FLT1: variants seen among roughly 807,000 people sequenced by gnomAD.
FLT1 encodes the protein fms related receptor tyrosine kinase 1, also known as vascular endothelial growth factor receptor 1.
A neutral mutation model predicts 156.3 loss-of-function variants in FLT1; 49 were observed. The ratio of observed to expected loss-of-function variants is 0.31; its 90% confidence interval spans 0.25 to 0.40. The LOEUF (loss-of-function observed/expected upper bound fraction) is 0.40. Ranked by LOEUF, FLT1 falls within the 10% of genes least tolerant of loss-of-function variation. The pLI, the probability that FLT1 is intolerant of heterozygous loss-of-function variation, is 1.00. For missense variants in FLT1, 1,322 were observed against 1,637.2 expected (o/e 0.81, Z 3.32); for synonymous variants, 594 against 583.8 (o/e 1.02, Z -0.25).
At chr13:28,364,739 T>C (rs992721660) in intron 14 of FLT1, among the ~76,000 whole-genome samples, 9 of 152,224 alleles carry the variant, frequency 5.9e-5, no homozygotes, top group Non-Finnish European at 1.3e-4. Flanking sequence ...GAATTTTTTA[T>C]GTTGAAGCTC....
In FLT1 at chr13:28,431,120, G is replaced by A. The variant is rs777252191; in HGVS notation, c.988+16C>T. 5 of 1,604,416 alleles carry A rather than the reference G, an allele frequency of 3.1e-6. No homozygotes were observed. The highest frequency in any genetic ancestry group is 4.3e-6 in the Non-Finnish European group (5 of 1,171,396). Reference sequence around the variant, plus strand: ...AGAAAGCATAGCATGAGTTGGCAACGCTGAACTATGCTTACCATATATATG... The same window carrying A: ...AGAAAGCATAGCATGAGTTGGCAACACTGAACTATGCTTACCATATATATG... On this transcript the variant is annotated intron_variant, in intron 7 of 29. Transcript: ENST00000282397.
chr13:28,304,769 G>A (rs74555008), intron 29 of FLT1, among the ~76,000 whole-genome samples: 8,153 of 152,164 alleles, frequency 0.054, 288 homozygotes, highest in African/African-American at 0.099. Context: ...GGCATTTCAT[G>A]TAAAAGGAAT....
At chr13:28,441,893 AG>A (rs1398940281) in intron 3 of FLT1, among the ~76,000 whole-genome samples, 1 of 152,206 alleles carries the variant, frequency 6.6e-6, no homozygotes, top group African/African-American at 2.4e-5. Flanking sequence ...ATTATTTTAT[AG>A]TAATATTTTT....
intron 3 of FLT1, among the ~76,000 whole-genome samples, chr13:28,460,497 C>G (rs548332905): frequency 1.3e-4 from 20 of 152,174 alleles, no homozygotes; most frequent in African/African-American, 4.6e-4. Context: ...GTGGAAACTC[C>G]TGGGCCAAGC....
At chr13:28,345,155 G>A (rs1310323152) in intron 16 of FLT1, among the ~76,000 whole-genome samples, 1 of 151,908 alleles carries the variant, frequency 6.6e-6, no homozygotes, top group African/African-American at 2.4e-5. Flanking sequence ...GGTTTCACAG[G>A]TCCCACACTG....
chr13:28,405,698 C>T (rs2137491676), intron 11 of FLT1, 82 bp downstream of exon 11: 1 of 837,026 alleles, frequency 1.2e-6, no homozygotes, highest in Admixed American at 1.7e-5. Context: ...TAAATTACTT[C>T]TGGTGCCAAT....
chr13:28,488,078 C>G (rs1315714405), intron 1 of FLT1, among the ~76,000 whole-genome samples: 1 of 151,762 alleles, frequency 6.6e-6, no homozygotes, highest in Non-Finnish European at 1.5e-5. Context: ...TCACACACGT[C>G]AAAGTTCATC....
intron 3 of FLT1, among the ~76,000 whole-genome samples, chr13:28,444,609 C>T (rs1349614493): frequency 1.3e-5 from 2 of 152,108 alleles, no homozygotes; most frequent in African/African-American, 4.8e-5. Context: ...CAAGATAGAC[C>T]ATATGCTAGA....
At chr13:28,413,896 G>GT (rs1414013872) in intron 10 of FLT1, among the ~76,000 whole-genome samples, 1 of 152,198 alleles carries the variant, frequency 6.6e-6, no homozygotes, top group Non-Finnish European at 1.5e-5. Context: ...TCCTAGTTAT[G>GT]TAACTGTGGA....
intron 15 of FLT1, among the ~76,000 whole-genome samples, chr13:28,355,775 TG>T (rs1395466554): frequency 6.6e-6 from 1 of 152,218 alleles, no homozygotes; most frequent in East Asian, 1.9e-4. Context: ...GCTGCTGATC[TG>T]GCCTGGAGCA....
Position 28,319,510 on chromosome 13 carries a change from C to T in FLT1, c.3199G>A (p.Ala1067Thr), listed in dbSNP as rs1871351735. The T allele has an allele frequency of 6.2e-7, 1 of 1,613,336 alleles. No homozygotes were observed. The highest frequency in any genetic ancestry group is 1.1e-5 in the South Asian group (1 of 90,984). The change falls in exon 24 of 30, where the codon GCT (alanine) becomes ACT (threonine). Residue 1067 changes from alanine (A) to threonine (T), a missense_variant. Ala to Thr is a moderately conservative substitution (Grantham distance 58, BLOSUM62 0). Around this residue, in one of 3 missense-constraint regions of FLT1, gnomAD observed 329 missense variants for 366.2 expected, o/e 0.90. Coordinates refer to ENST00000282397, the MANE Select transcript of FLT1 (RefSeq NM_002019.4). ...ATTTTGTCAAAGATAGATTCAGGAG[C>T]CATCCATTTCAGAGGAAGTCGAGTC... ...GDTRLPLKWM[A>T]PESIFDKIYS...
Position 28,427,284 on chromosome 13 carries a change from C to T in FLT1, c.1311G>A (p.Ser437=), listed in dbSNP as rs574680680. The change falls in exon 10 of 30, where the codon TCG becomes TCA. Residue 437 remains serine (S), a synonymous_variant. Transcript: ENST00000282397. ...GTGGGTAGAGAGCCGGGTCTGGAAA[C>T]GATGACACGGCCTTTTCGTAAATCT... ...KPQIYEKAVS[S]FPDPALYPLG... 18 of 1,613,968 alleles carry T rather than the reference C, an allele frequency of 1.1e-5. No individual in the cohort carries two copies. The highest frequency in any genetic ancestry group is 6.6e-5 in the South Asian group (6 of 91,084).
chr13:28,397,153 C>T (rs988642502), intron 11 of FLT1, 85 bp from the exon 12 acceptor site: 7 of 787,520 alleles, frequency 8.9e-6, no homozygotes, highest in African/African-American at 1.7e-5. Flanking sequence ...TGAAATGATT[C>T]AGCTACTCCA....
In FLT1 at chr13:28,427,020, T is replaced by A; in HGVS notation, c.1436+139A>T. 1.7e-5 allele frequency: 14 copies of A among 805,462 alleles called. No individual in the cohort carries two copies. The South Asian group carries it at 2.0e-4, about 12-fold the overall frequency. 49.9% of individuals were successfully genotyped at this position (805,462 alleles called of 1,614,324 possible). Reference sequence around the variant, plus strand: ...AAAGAAGAGTAGCTGTTGCCCACCTTTTTCCAAGGCAGGGAGAGCCTTTGC... The same window carrying A: ...AAAGAAGAGTAGCTGTTGCCCACCTATTTCCAAGGCAGGGAGAGCCTTTGC... On this transcript the variant is annotated intron_variant, in intron 10 of 29. Transcript: ENST00000282397.
At chr13:28,350,203 T>C (rs554124687) in intron 15 of FLT1, among the ~76,000 whole-genome samples, 1 of 152,222 alleles carries the variant, frequency 6.6e-6, no homozygotes, top group South Asian at 2.1e-4. Context: ...CTCAGGGACA[T>C]GGCTCCCGCA....
chr13:28,319,473 T>C lies in FLT1; in HGVS notation c.3236A>G (p.Lys1079Arg). 6.2e-6 allele frequency: 10 copies of C among 1,614,106 alleles called. No homozygotes were observed. The highest frequency in any genetic ancestry group is 8.5e-6 in the Non-Finnish European group (10 of 1,179,966). ...ESIFDKIYST[K>R]SDVWSYGVLL... ...TACTCCGTAAGACCACACGTCGCTCTTGGTGCTGTAGATTTTGTCAAAGAT... is the reference window on the plus strand; with the variant it reads ...TACTCCGTAAGACCACACGTCGCTCCTGGTGCTGTAGATTTTGTCAAAGAT... Residue 1079 changes from lysine to arginine, a missense_variant, in exon 24 of 30, where the codon AAG becomes AGG. Coordinates refer to ENST00000282397, the MANE Select transcript of FLT1 (RefSeq NM_002019.4).
chr13:28,312,748 G>T (rs1293314903), intron 25 of FLT1, among the ~76,000 whole-genome samples: 1 of 152,030 alleles, frequency 6.6e-6, no homozygotes, highest in Non-Finnish European at 1.5e-5. Context: ...AGTTTCCGGG[G>T]CTGTGAGCAA....
intron 15 of FLT1, among the ~76,000 whole-genome samples, chr13:28,350,762 G>C (rs1872713311): frequency 6.6e-6 from 1 of 152,138 alleles, no homozygotes; most frequent in Non-Finnish European, 1.5e-5. Flanking sequence ...CAGGTACTCT[G>C]TGCCCCAGTT....
intron 11 of FLT1, among the ~76,000 whole-genome samples, chr13:28,397,894 T>C (rs1183703551): frequency 6.6e-6 from 1 of 152,054 alleles, no homozygotes; most frequent in Non-Finnish European, 1.5e-5. Flanking sequence ...CCACTAGACT[T>C]TAGTGCTATT....
Sources: gnomAD v4.1 joint callset for allele counts (sites outside exome capture counted in the v4.1 genomes callset) on GRCh38, gnomAD v4.1.1 for gene constraint, gnomAD v4.1.1 regional missense constraint, MANE v1.5 for transcripts, NCBI Gene and HGNC (gene_info 2026-07-23, HGNC 2026-07-21) for gene names.